The following STOX1 variants were observed in gnomAD, a reference collection of about 807,000 sequenced individuals.
The protein encoded by STOX1 is storkhead box 1, also known as storkhead-box protein 1.
A neutral mutation model predicts 74.8 loss-of-function variants in STOX1; 57 were observed. The observed-to-expected ratio is 0.76, with a 90% CI of 0.62 to 0.95. The LOEUF (loss-of-function observed/expected upper bound fraction) is 0.95, where lower values mean the gene tolerates loss of function less well. STOX1 is among the 40% of genes least tolerant of loss of function. STOX1 has a pLI of 0.00. For missense variants in STOX1, 1,010 were observed against 1,117.0 expected (o/e 0.90, Z 1.37); for synonymous variants, 375 against 401.3 (o/e 0.93, Z 0.78).
chr10:68,855,964 G>A (rs552461271), intron 1 of STOX1, among the ~76,000 whole-genome samples: 7 of 152,018 alleles, frequency 4.6e-5, no homozygotes, highest in Non-Finnish European at 7.4e-5. Context: ...TGTGTGGACC[G>A]TATGTGAGCT....
intron 1 of STOX1, among the ~76,000 whole-genome samples, chr10:68,854,790 C>T (rs530146669): frequency 6.6e-6 from 1 of 152,220 alleles, no homozygotes; most frequent in Non-Finnish European, 1.5e-5. Flanking sequence ...ACACATGGCA[C>T]CCCTGGTAAC....
At chr10:68,846,409 C>G (rs796399405) in intron 1 of STOX1, among the ~76,000 whole-genome samples, 17 of 152,268 alleles carry the variant, frequency 1.1e-4, no homozygotes, top group African/African-American at 4.1e-4. Context: ...CCCGGCCCCC[C>G]AAAGTCCTGG....
intron 1 of STOX1, among the ~76,000 whole-genome samples, chr10:68,841,429 A>G (rs1589217234): frequency 1.3e-5 from 2 of 152,324 alleles, no homozygotes; most frequent in South Asian, 4.1e-4. Flanking sequence ...CCAGTTTTCT[A>G]ATCCTTCTAT....
rs745412962 is a variant in STOX1 at position 68,885,955 on chromosome 10, T to TGCAA, written c.2160_2161insCAAG (p.Tyr721GlnfsTer5). 1.6e-5 allele frequency: 26 copies of TGCAA among 1,614,150 alleles called. No individual in the cohort carries two copies. The African/African-American group carries it at 3.5e-4, about 22-fold the overall frequency. On this transcript the variant is annotated frameshift_variant, in exon 3 of 4. Transcript: ENST00000298596. LOFTEE classifies it high-confidence loss of function. ...CAGCTTTCTAACGATGACCAGGCCT[T>TGCAA]GTATCAGAATGAAGTGGAAGATGAT... is the stretch of plus-strand genomic sequence containing the variant.
Position 68,881,951 on chromosome 10 carries a change from A to T in STOX1, c.311-7A>T. On this transcript the variant is annotated splice_polypyrimidine_tract_variant and splice_region_variant and intron_variant, in intron 1 of 3. Coordinates refer to ENST00000298596, the MANE Select transcript of STOX1 (RefSeq NM_152709.5). ...CCCTCCCCCTTTTTTTTAAATCTCC[A>T]ATTTAGGTGATGTCTTTCCAGTGCA... The T allele has an allele frequency of 6.2e-7, 1 of 1,613,596 alleles. No individual in the cohort carries two copies. The highest frequency in any genetic ancestry group is 8.5e-7 in the Non-Finnish European group (1 of 1,179,788).
intron 1 of STOX1, among the ~76,000 whole-genome samples, chr10:68,832,530 C>T (rs560400066): frequency 1.3e-5 from 2 of 152,010 alleles, no homozygotes; most frequent in Admixed American, 6.6e-5. Context: ...AAAATTAGCC[C>T]GGCATGGTGG....
chr10:68,884,139 A>G lies in STOX1; in HGVS notation c.464-121A>G. 6.8e-6 allele frequency: 6 copies of G among 888,888 alleles called. No homozygotes were observed. In the South Asian group the frequency reaches 8.8e-5, roughly 13 times the overall value. The allele number at this position is 888,888 out of a possible 1,614,324, so 55.1% of individuals were successfully genotyped here. The stretch of plus-strand genomic sequence containing the variant: ...CATCCCTGGCATTTTAATCACATGT[A>G]TTATGTTACAATCAGCTCTGGGTTT... On this transcript the variant is annotated intron_variant, in intron 2 of 3. Transcript: ENST00000298596.
chr10:68,831,561 A>G (rs1414902559), intron 1 of STOX1, among the ~76,000 whole-genome samples: 1 of 152,112 alleles, frequency 6.6e-6, no homozygotes, highest in Non-Finnish European at 1.5e-5. Context: ...CAGCTCAGGC[A>G]GAAAATGCAG....
intron 1 of STOX1, among the ~76,000 whole-genome samples, chr10:68,837,457 T>C (rs1442470362): frequency 6.6e-6 from 1 of 152,208 alleles, no homozygotes; most frequent in East Asian, 1.9e-4. Flanking sequence ...ACTCTACTCA[T>C]GCATCTGAGC....
At chr10:68,881,921 C>T in intron 1 of STOX1, 37 bp from the exon 2 acceptor site, 2 of 1,612,688 alleles carry the variant, frequency 1.2e-6, no homozygotes, top group Non-Finnish European at 1.7e-6. Flanking sequence ...TCAAATTTAT[C>T]AACCCCCTCC....
At chr10:68,851,965 T>A (rs1042261745) in intron 1 of STOX1, among the ~76,000 whole-genome samples, 4 of 151,952 alleles carry the variant, frequency 2.6e-5, no homozygotes, top group Non-Finnish European at 5.9e-5. Flanking sequence ...GAAACCCCAT[T>A]TCTACTAAAA....
At chr10:68,829,471 C>T (rs1839350727) in intron 1 of STOX1, among the ~76,000 whole-genome samples, 1 of 152,140 alleles carries the variant, frequency 6.6e-6, no homozygotes, top group African/African-American at 2.4e-5. Context: ...GAGCCGACAT[C>T]AGGCCATTGC....
intron 1 of STOX1, among the ~76,000 whole-genome samples, chr10:68,864,278 T>C (rs1360948495): frequency 6.6e-6 from 1 of 152,212 alleles, no homozygotes; most frequent in Non-Finnish European, 1.5e-5. Context: ...TACCTTTTGA[T>C]CCAGAATAAG....
At chr10:68,868,618 G>C (rs1418261393) in intron 1 of STOX1, among the ~76,000 whole-genome samples, 1 of 152,184 alleles carries the variant, frequency 6.6e-6, no homozygotes, top group Admixed American at 6.5e-5. Context: ...TGAGGCAGGA[G>C]AATCTCCTGA....
chr10:68,831,019 T>G (rs1839392978), intron 1 of STOX1, among the ~76,000 whole-genome samples: 1 of 152,144 alleles, frequency 6.6e-6, no homozygotes, highest in Admixed American at 6.6e-5. Context: ...TTGTGTCGGC[T>G]TGCTCTCTTG....
At chr10:68,850,943 G>A (rs140468644) in intron 1 of STOX1, among the ~76,000 whole-genome samples, 1 of 152,172 alleles carries the variant, frequency 6.6e-6, no homozygotes, top group East Asian at 1.9e-4. Flanking sequence ...CTGCACCCCA[G>A]CCTGGGTGAC....
At position 68,892,633 on chromosome 10, in the gene STOX1, TAAA is replaced by T. The variant is rs781210531; in HGVS notation, c.2870_2872del (p.Lys957del). The T allele has an allele frequency of 6.2e-7, 1 of 1,613,530 alleles. No individual in the cohort carries two copies. Among genetic ancestry groups the T allele is most frequent in the Admixed American group, 1.7e-5 (1 of 60,022 alleles). On this transcript the variant is annotated inframe_deletion, in exon 4 of 4. Transcript: ENST00000298596. Reference sequence around the variant, plus strand: ...AATAATTCAGTCATTTTGGATGGACTAAAAAGAAGACAGAATTTTCTGCAAAAT... The same window carrying T: ...AATAATTCAGTCATTTTGGATGGACTAAGAAGACAGAATTTTCTGCAAAAT...
intron 1 of STOX1, among the ~76,000 whole-genome samples, chr10:68,861,044 A>C (rs1339654800): frequency 1.3e-5 from 2 of 152,086 alleles, no homozygotes; most frequent in East Asian, 3.9e-4. Context: ...CCCTGTCTCT[A>C]CTAAAAATAC....
At chr10:68,873,755 A>G (rs1159793226) in intron 1 of STOX1, among the ~76,000 whole-genome samples, 1 of 148,580 alleles carries the variant, frequency 6.7e-6, no homozygotes, top group Non-Finnish European at 1.5e-5. Flanking sequence ...GGTTCAAGCA[A>G]TTCTCCTGCC....
Sources: gnomAD v4.1 joint callset for allele counts (sites outside exome capture counted in the v4.1 genomes callset) on GRCh38, gnomAD v4.1.1 for gene constraint, MANE v1.5 for transcripts, NCBI Gene and HGNC (gene_info 2026-07-23, HGNC 2026-07-21) for gene names.